Variants in ADK observed in about 807,000 individuals in gnomAD.
The protein encoded by ADK is adenosine kinase.
Under a neutral mutation model 44.7 loss-of-function variants are expected in ADK, and 24 were observed. The ratio of observed to expected loss-of-function variants is 0.54; its 90% CI spans 0.39 to 0.76. The LOEUF (loss-of-function observed/expected upper bound fraction) is 0.76. Among genes scored for constraint, ADK ranks in the 30% least tolerant of loss-of-function variants. The pLI, the probability that ADK is intolerant of heterozygous loss-of-function variation, is 0.00. For missense variants in ADK, 321 were observed against 425.1 expected (o/e 0.76, Z 2.15); for synonymous variants, 128 against 142.6 (o/e 0.90, Z 0.73).
At chr10:74,632,920 T>C (rs758046991) in intron 9 of ADK, among the ~76,000 whole-genome samples, 1 of 152,218 alleles carries the variant, frequency 6.6e-6, no homozygotes, top group Admixed American at 6.5e-5. Context: ...ACTGTTGATA[T>C]GTTTGTTTTT....
At chr10:74,528,620 T>C (rs1457265488) in intron 7 of ADK, among the ~76,000 whole-genome samples, 1 of 152,186 alleles carries the variant, frequency 6.6e-6, no homozygotes, top group Non-Finnish European at 1.5e-5. Context: ...GCAAATCATA[T>C]ATCTGATAAA....
intron 6 of ADK, among the ~76,000 whole-genome samples, chr10:74,484,752 G>A (rs1847206217): frequency 6.6e-6 from 1 of 152,154 alleles, no homozygotes; most frequent in South Asian, 2.1e-4. Flanking sequence ...CAGTGTAATG[G>A]GACAGAGAGG....
chr10:74,254,369 C>T (rs915670941), intron 3 of ADK, among the ~76,000 whole-genome samples: 3 of 151,608 alleles, frequency 2.0e-5, no homozygotes, highest in African/African-American at 7.3e-5. Context: ...AAATAGAGTC[C>T]CACAAATTGT....
chr10:74,215,936 G>C (rs980597949), intron 2 of ADK, among the ~76,000 whole-genome samples: 4 of 152,162 alleles, frequency 2.6e-5, no homozygotes, highest in South Asian at 4.2e-4. Context: ...GATTACAGGC[G>C]TGAGCCACCG....
intron 4 of ADK, among the ~76,000 whole-genome samples, chr10:74,335,058 T>C (rs1029820735): frequency 6.6e-6 from 1 of 152,180 alleles, no homozygotes; most frequent in Non-Finnish European, 1.5e-5. Flanking sequence ...CTCCTGGGTC[T>C]GTAAAACTGC....
intron 3 of ADK, among the ~76,000 whole-genome samples, chr10:74,313,432 A>G (rs892672822): frequency 1.3e-5 from 2 of 152,258 alleles, no homozygotes; most frequent in South Asian, 2.1e-4. Context: ...TTGAGTACAT[A>G]TTGAAAATTT....
intron 3 of ADK, among the ~76,000 whole-genome samples, chr10:74,251,873 C>A (rs1306510659): frequency 2.8e-5 from 4 of 141,126 alleles, no homozygotes; most frequent in African/African-American, 1.1e-4. Flanking sequence ...TTCATTACTG[C>A]TGTTTTCCTT....
intron 4 of ADK, among the ~76,000 whole-genome samples, chr10:74,364,687 GGTGT>G (rs58295310): frequency 0.04 from 5,467 of 136,238 alleles, 203 homozygotes; most frequent in Admixed American, 0.085. Flanking sequence ...CAAAGGCTAT[GGTGT>G]GTGTGTGTGT....
In ADK at chr10:74,510,880, A is replaced by G. The variant is rs1848287712; in HGVS notation, c.556-14376A>G. ...ATGCCACCATGCCTGGCTAATTTTT[A>G]TATTTTTTGTAGAGATAGGGTTTCA... On this transcript the variant is annotated intron_variant, in intron 6 of 10. Coordinates refer to ENST00000539909, the MANE Select transcript of ADK (RefSeq NM_006721.4). Among the ~76,000 whole-genome samples the G allele has an allele frequency of 2.6e-5, 4 of 151,812 alleles. No individual in the cohort carries two copies. The South Asian group carries it at 8.3e-4, about 32-fold the overall frequency.
chr10:74,582,014 C>A (rs956945817), intron 7 of ADK, among the ~76,000 whole-genome samples: 1 of 152,046 alleles, frequency 6.6e-6, no homozygotes, highest in Non-Finnish European at 1.5e-5. Context: ...AAAAATAATG[C>A]TAATTTTTAG....
At chr10:74,452,941 T>C (rs1015506442) in intron 6 of ADK, among the ~76,000 whole-genome samples, 2 of 152,016 alleles carry the variant, frequency 1.3e-5, no homozygotes, top group African/African-American at 4.8e-5. Context: ...AAGAACAACT[T>C]ATATAAGCTC....
intron 7 of ADK, among the ~76,000 whole-genome samples, chr10:74,564,649 T>A (rs1850585834): frequency 6.6e-6 from 1 of 152,216 alleles, no homozygotes; most frequent in African/African-American, 2.4e-5. Context: ...CTTTATTTTG[T>A]GTTAGAAGTA....
intron 2 of ADK, among the ~76,000 whole-genome samples, chr10:74,223,038 G>A (rs1178036747): frequency 6.6e-6 from 1 of 151,972 alleles, no homozygotes; most frequent in Non-Finnish European, 1.5e-5. Flanking sequence ...TAAATAAAAA[G>A]TGAATTTTAG....
chr10:74,659,100 T>C (rs2134162222), intron 9 of ADK, among the ~76,000 whole-genome samples: 1 of 152,190 alleles, frequency 6.6e-6, no homozygotes, highest in South Asian at 2.1e-4. Flanking sequence ...ATGCCTGTGG[T>C]CCCAGCTACT....
chr10:74,162,153 T>A (rs980914182), intron 1 of ADK, among the ~76,000 whole-genome samples: 19 of 152,072 alleles, frequency 1.2e-4, no homozygotes, highest in South Asian at 2.1e-4. Context: ...CCCAAGTACC[T>A]GGGGTTACAG....
At chr10:74,198,084 A>G (rs1843230552) in intron 1 of ADK, among the ~76,000 whole-genome samples, 4 of 152,346 alleles carry the variant, frequency 2.6e-5, no homozygotes, top group African/African-American at 9.6e-5. Flanking sequence ...AAAACCAAGT[A>G]GCCCAATAAC....
intron 2 of ADK, among the ~76,000 whole-genome samples, chr10:74,213,221 T>G (rs1033105710): frequency 6.6e-6 from 1 of 152,088 alleles, no homozygotes; most frequent in Non-Finnish European, 1.5e-5. Flanking sequence ...TTCTCTTACC[T>G]CAGCCTCCCG....
chr10:74,238,917 G>A (rs1845088266), intron 3 of ADK, among the ~76,000 whole-genome samples: 1 of 138,206 alleles, frequency 7.2e-6, no homozygotes, highest in Admixed American at 7.9e-5. Context: ...CTGGAGTGTA[G>A]TGGTGCGATC....
chr10:74,352,680 CA>C (rs1842002476), intron 4 of ADK, among the ~76,000 whole-genome samples: 1 of 152,142 alleles, frequency 6.6e-6, no homozygotes. Context: ...ATCCATCTGA[CA>C]AAGGTCTAAT....
Sources: allele counts gnomAD v4.1 joint callset (sites outside exome capture counted in the v4.1 genomes callset), GRCh38; gene constraint gnomAD v4.1.1; transcripts MANE v1.5; gene names NCBI Gene and HGNC (gene_info 2026-07-23, HGNC 2026-07-21).